The following ACSL6 variants were observed in gnomAD, a reference collection of about 807,000 sequenced individuals.
ACSL6 encodes the protein acyl-CoA synthetase long chain family member 6, also known as long-chain-fatty-acid--CoA ligase 6.
A neutral mutation model predicts 98.2 loss-of-function variants in ACSL6; 47 were observed. The ratio of observed to expected loss-of-function variants is 0.48; its 90% CI spans 0.38 to 0.61. The LOEUF is 0.61. ACSL6 is among the 20% of genes least tolerant of loss of function. The probability of loss-of-function intolerance (pLI) is 0.00; values close to 1 mark genes in which losing one functional copy is unlikely to be tolerated. For missense variants in ACSL6, 761 were observed against 913.4 expected, an observed-to-expected ratio of 0.83 and a Z score of 2.15; for synonymous variants, 362 against 336.9, an observed-to-expected ratio of 1.07 and a Z score of -0.82.
Position 131,988,094 on chromosome 5 carries a change from C to G in ACSL6, c.785G>C (p.Arg262Thr). ...MDPFEEALKE[R>T]GQKCGVVIKS... ...AATGACCACCCCGCACTTCTGCCCT[C>G]TCTCTTTCAGGGCTTCTTCGAATGG... Residue 262 changes from arginine to threonine, a missense_variant, in exon 7 of 21, where the codon AGA becomes ACA. Coordinates refer to ENST00000651883, the MANE Select transcript of ACSL6 (RefSeq NM_001009185.3). The G allele has an allele frequency of 6.2e-7, 1 of 1,614,218 alleles. No individual in the cohort carries two copies. Among genetic ancestry groups the G allele is most frequent in the East Asian group, 2.2e-5 (1 of 44,886 alleles).
intron 1 of ACSL6, chr5:132,007,027 G>T (rs1217505344): frequency 5.9e-5 from 9 of 152,040 alleles, no homozygotes; most frequent in Admixed American, 4.6e-4. Context: ...AATAAATTAC[G>T]CTCAGGGAAT....
At chr5:131,962,195 C>T (rs1376310180) in intron 18 of ACSL6, among the ~76,000 whole-genome samples, 1 of 151,912 alleles carries the variant, frequency 6.6e-6, no homozygotes, top group Non-Finnish European at 1.5e-5. Flanking sequence ...GAGCGAGACC[C>T]TGTCTCAATA....
intron 9 of ACSL6, chr5:131,983,626 C>CTTA (rs1463110527): frequency 6.6e-6 from 1 of 152,312 alleles, no homozygotes; most frequent in Non-Finnish European, 1.5e-5. Flanking sequence ...ATGGGCTTAG[C>CTTA]CTAAAGCCAA....
intron 11 of ACSL6, chr5:131,974,657 A>T (rs1239506101): frequency 2.3e-6 from 3 of 1,323,380 alleles, no homozygotes; most frequent in Non-Finnish European, 3.2e-6. Flanking sequence ...TTCTGAGGAC[A>T]GGGCAGTTTG....
chr5:131,973,838 C>T (rs1753459319), intron 11 of ACSL6: 1 of 158,056 alleles, frequency 6.3e-6, no homozygotes, highest in Non-Finnish European at 1.4e-5. Flanking sequence ...CCCATGAGTA[C>T]TGGAGATGCT....
chr5:131,975,229 A>G (rs543832941), intron 10 of ACSL6: 8 of 1,349,552 alleles, frequency 5.9e-6, no homozygotes, highest in South Asian at 3.2e-5. Flanking sequence ...GTTAGGTCGC[A>G]GCGTCAGTGG....
intron 9 of ACSL6, among the ~76,000 whole-genome samples, chr5:131,981,147 A>C (rs1259527419): frequency 6.6e-6 from 1 of 151,572 alleles, no homozygotes; most frequent in Non-Finnish European, 1.5e-5. Flanking sequence ...CCCACACCAA[A>C]GCTTCGGGGG....
chr5:132,002,386 G>A (rs1270081543), intron 1 of ACSL6, among the ~76,000 whole-genome samples: 1 of 152,238 alleles, frequency 6.6e-6, no homozygotes, highest in Non-Finnish European at 1.5e-5. Flanking sequence ...GGCTGCTCAT[G>A]GCGAGGCCAT....
intron 7 of ACSL6, among the ~76,000 whole-genome samples, chr5:131,987,708 C>G (rs1298774649): frequency 6.6e-6 from 1 of 152,228 alleles, no homozygotes; most frequent in Non-Finnish European, 1.5e-5. Flanking sequence ...TGTCTGTAGT[C>G]CTCAGACACA....
At chr5:131,997,395 G>A (rs1353612777) in intron 1 of ACSL6, among the ~76,000 whole-genome samples, 1 of 152,120 alleles carries the variant, frequency 6.6e-6, no homozygotes, top group Non-Finnish European at 1.5e-5. Flanking sequence ...CATGTGGTAT[G>A]GCCACCCCAA....
chr5:131,966,449 C>A lies in ACSL6; in HGVS notation c.1680G>T (p.Trp560Cys). The A allele has an allele frequency of 6.2e-7, 1 of 1,614,230 alleles. No homozygotes were observed. The highest frequency in any genetic ancestry group is 8.5e-7 in the Non-Finnish European group (1 of 1,180,040). The change falls in exon 17 of 21, where the codon TGG becomes TGT. Residue 560 changes from tryptophan to cysteine, a missense_variant. Trp to Cys is a radical substitution (Grantham distance 215, BLOSUM62 -2). Transcript: ENST00000651883. ...RTKEALDSDG[W>C]LHTGDIGKWL... ...ATTTTCCGATGTCTCCAGTGTGAAG[C>A]CAGCCATCGCTGTCCAGGGCCTCCT...
At chr5:131,970,070 G>A in intron 15 of ACSL6, 58 bp downstream of exon 15, 1 of 1,515,344 alleles carries the variant, frequency 6.6e-7, no homozygotes, top group Non-Finnish European at 9.2e-7. Context: ...TTTTAGAGCT[G>A]GCTGCTTTTA....
chr5:131,973,679 C>T, intron 11 of ACSL6: 2 of 295,616 alleles, frequency 6.8e-6, no homozygotes, highest in African/African-American at 2.1e-5. Flanking sequence ...CTGGCGTGTG[C>T]CCCCCTCACC....
chr5:131,964,721 A>G (rs1038512497), intron 17 of ACSL6, among the ~76,000 whole-genome samples: 4 of 152,210 alleles, frequency 2.6e-5, no homozygotes, highest in African/African-American at 9.6e-5. Context: ...CAACAGGACA[A>G]TCCACCTTCT....
At chr5:131,991,046 T>A in intron 2 of ACSL6, 79 bp from the exon 3 acceptor site, 1 of 1,245,504 alleles carries the variant, frequency 8.0e-7, no homozygotes, top group Non-Finnish European at 1.2e-6. Context: ...TGCACAAGGC[T>A]GTACCCAGCT....
At position 131,964,893 on chromosome 5, in the gene ACSL6, A is replaced by G. The variant is rs74845425; in HGVS notation, c.1713+1523T>C. Among the ~76,000 whole-genome samples, 713 of 152,256 alleles carry G rather than the reference A, an allele frequency of 4.7e-3. 5 individuals are homozygous for G. Among genetic ancestry groups the G allele is most frequent in the South Asian group, 7.5e-3 (36 of 4,826 alleles). ...ATCCCACCTTTGGAACATGACTCAT[A>G]TCCTAAGGCTTGGATGCAGTAGGTG... On this transcript the variant is annotated intron_variant, in intron 17 of 20. Coordinates refer to ENST00000651883, the MANE Select transcript of ACSL6 (RefSeq NM_001009185.3).
At chr5:131,956,866 A>C (rs940862008) in intron 20 of ACSL6, among the ~76,000 whole-genome samples, 2 of 152,204 alleles carry the variant, frequency 1.3e-5, no homozygotes, top group African/African-American at 4.8e-5. Context: ...TTTTTTAATA[A>C]GCAAAGTTTT....
rs181810431 is a variant in ACSL6, at chr5:131,964,353, T to C, written c.1714-1675A>G. On this transcript the variant is annotated intron_variant, in intron 17 of 20. Coordinates refer to ENST00000651883, the MANE Select transcript of ACSL6 (RefSeq NM_001009185.3). Reference sequence around the variant, plus strand: ...CATGATTTGCTTTACATGAGAAATATAGAATAATAAGTATCTCAATAGCTG... The same window carrying C: ...CATGATTTGCTTTACATGAGAAATACAGAATAATAAGTATCTCAATAGCTG... Among the ~76,000 whole-genome samples the C allele has an allele frequency of 5.9e-5, 9 of 152,354 alleles. No homozygotes were observed. In the South Asian group the frequency reaches 8.3e-4, roughly 14 times the overall value.
Position 131,954,194 on chromosome 5 carries a change from C to A in ACSL6, c.*40G>T. The A allele has an allele frequency of 6.4e-7, 1 of 1,572,618 alleles. No individual in the cohort carries two copies. Among genetic ancestry groups the A allele is most frequent in the South Asian group, 1.2e-5 (1 of 82,818 alleles). On this transcript the variant is annotated 3_prime_UTR_variant, in exon 21 of 21. Transcript: ENST00000651883. The stretch of plus-strand genomic sequence containing the variant: ...ACTTTCAAGAATAACTATAATATTG[C>A]TAGACAGTTCATTACACTGAGAAGA...
Sources: gnomAD v4.1 joint callset for allele counts (sites outside exome capture counted in the v4.1 genomes callset) on GRCh38, gnomAD v4.1.1 for gene constraint, MANE v1.5 for transcripts, NCBI Gene and HGNC (gene_info 2026-07-23, HGNC 2026-07-21) for gene names.